Variants in PARD3 observed in about 807,000 individuals in gnomAD.
The protein encoded by PARD3 is par-3 family cell polarity regulator.
In PARD3, 75 loss-of-function variants were observed where a neutral mutation model predicts 155.4. The ratio of observed to expected loss-of-function variants is 0.48; its 90% confidence interval spans 0.40 to 0.58. PARD3 has a LOEUF of 0.58. PARD3 is among the 20% of genes least tolerant of loss of function. The probability of loss-of-function intolerance (pLI) is 0.00; values close to 1 mark genes in which losing one functional copy is unlikely to be tolerated. For synonymous variants in PARD3, 576 were observed against 610.5 expected (o/e 0.94, Z 0.83); for missense variants, 1,642 against 1,721.7 (o/e 0.95, Z 0.82).
intron 7 of PARD3, among the ~76,000 whole-genome samples, chr10:34,384,810 A>G (rs1476062852): frequency 1.3e-5 from 2 of 152,200 alleles, no homozygotes; most frequent in Admixed American, 1.3e-4. Context: ...GTGAATTTCA[A>G]AACCTGTCAG....
At chr10:34,794,107 G>T (rs183925088) in intron 1 of PARD3, among the ~76,000 whole-genome samples, 2 of 152,140 alleles carry the variant, frequency 1.3e-5, no homozygotes, top group African/African-American at 2.4e-5. Context: ...CACAGTCAGC[G>T]GGGGGTGGGG....
intron 2 of PARD3, among the ~76,000 whole-genome samples, chr10:34,565,707 TG>T (rs2085886567): frequency 1.3e-5 from 2 of 152,164 alleles, no homozygotes. Flanking sequence ...TTTATCTTTA[TG>T]GCATTCACTT....
chr10:34,692,488 A>T (rs2094084113), intron 2 of PARD3, among the ~76,000 whole-genome samples: 1 of 152,234 alleles, frequency 6.6e-6, no homozygotes, highest in African/African-American at 2.4e-5. Context: ...ATGGGAGAAA[A>T]TATTTGCAAA....
At chr10:34,806,826 AAAC>A (rs2134387664) in intron 1 of PARD3, among the ~76,000 whole-genome samples, 1 of 152,314 alleles carries the variant, frequency 6.6e-6, no homozygotes, top group Non-Finnish European at 1.5e-5. Context: ...ATGAGCACCA[AAAC>A]AAACCATGCA....
At chr10:34,716,807 G>C (rs2094528747) in intron 1 of PARD3, among the ~76,000 whole-genome samples, 1 of 151,892 alleles carries the variant, frequency 6.6e-6, no homozygotes. Context: ...GGTCAGGTTG[G>C]TCTCGCACTG....
intron 1 of PARD3, among the ~76,000 whole-genome samples, chr10:34,742,713 A>G (rs775839198): frequency 4.6e-5 from 7 of 152,254 alleles, no homozygotes; most frequent in Middle Eastern, 3.2e-3. Context: ...ACTAGGGAGT[A>G]AAACGTCAAA....
intron 2 of PARD3, among the ~76,000 whole-genome samples, chr10:34,657,921 C>T (rs1010086526): frequency 4.0e-5 from 6 of 151,824 alleles, no homozygotes; most frequent in South Asian, 2.1e-4. Flanking sequence ...CCGAGGTGGG[C>T]GGATCACGAG....
chr10:34,713,666 T>A (rs1223550230), intron 1 of PARD3, among the ~76,000 whole-genome samples: 2 of 152,086 alleles, frequency 1.3e-5, no homozygotes, highest in African/African-American at 4.8e-5. Context: ...CTCAGGAGGC[T>A]GAGGTAGGAG....
chr10:34,380,816 G>A (rs1195061710), intron 9 of PARD3, among the ~76,000 whole-genome samples: 1 of 152,070 alleles, frequency 6.6e-6, no homozygotes, highest in Non-Finnish European at 1.5e-5. Context: ...TTATGACAAT[G>A]GTGAAGCAAA....
chr10:34,327,743 G>C (rs562679409), intron 19 of PARD3, among the ~76,000 whole-genome samples: 1 of 152,156 alleles, frequency 6.6e-6, no homozygotes, highest in Non-Finnish European at 1.5e-5. Flanking sequence ...AAGACCATCT[G>C]CCTAGACGAG....
rs775445941 is a variant in PARD3 at position 34,413,180 on chromosome 10, C to CACACACACACACACACACACAT, written c.715-11264_715-11263insATGTGTGTGTGTGTGTGTGTGT. On this transcript the variant is annotated intron_variant, in intron 5 of 24. Coordinates refer to ENST00000374788, the MANE Select transcript of PARD3 (RefSeq NM_001184785.2). ...ACACACACACACACACACACACACA[C>CACACACACACACACACACACAT]ATATATATAAGACTTTGTAACTGAT... is the stretch of plus-strand genomic sequence containing the variant. 1.4e-3 allele frequency among the ~76,000 whole-genome samples: 210 copies of CACACACACACACACACACACAT among 145,128 alleles called. 2 individuals are homozygous for CACACACACACACACACACACAT. The highest frequency in any genetic ancestry group is 5.0e-3 in the African/African-American group (198 of 39,524).
intron 2 of PARD3, among the ~76,000 whole-genome samples, chr10:34,682,126 A>T (rs1240742048): frequency 1.3e-5 from 2 of 152,146 alleles, no homozygotes; most frequent in Non-Finnish European, 2.9e-5. Context: ...CCCTGTTGAC[A>T]CTACCCACAA....
intron 3 of PARD3, among the ~76,000 whole-genome samples, chr10:34,509,108 A>G (rs955201206): frequency 2.1e-4 from 32 of 152,222 alleles, no homozygotes; most frequent in Non-Finnish European, 5.9e-5. Context: ...TGTTGAAAGC[A>G]TAAGTAGAAT....
intron 21 of PARD3, among the ~76,000 whole-genome samples, chr10:34,275,284 A>G (rs879476314): frequency 2.6e-5 from 4 of 152,198 alleles, no homozygotes; most frequent in African/African-American, 9.6e-5. Flanking sequence ...CTGCTTTCCA[A>G]TGTGGCAGCT....
chr10:34,211,749 C>T (rs1951765330), intron 22 of PARD3, among the ~76,000 whole-genome samples: 1 of 151,758 alleles, frequency 6.6e-6, no homozygotes, highest in Non-Finnish European at 1.5e-5. Context: ...CACTGCACTC[C>T]AGCCTGGGTG....
chr10:34,811,073 T>A (rs1315698833), intron 1 of PARD3, among the ~76,000 whole-genome samples: 1 of 152,160 alleles, frequency 6.6e-6, no homozygotes. Context: ...TTGCCCTCAC[T>A]TTTGCCCTTC....
At chr10:34,239,301 G>A (rs906056593) in intron 22 of PARD3, among the ~76,000 whole-genome samples, 1 of 152,178 alleles carries the variant, frequency 6.6e-6, no homozygotes, top group Admixed American at 6.5e-5. Context: ...CACGGTGGCC[G>A]ATGGAAGGGT....
chr10:34,604,649 T>G (rs1371161715), intron 2 of PARD3, among the ~76,000 whole-genome samples: 4 of 148,688 alleles, frequency 2.7e-5, no homozygotes, highest in Admixed American at 1.3e-4. Flanking sequence ...ATAAAATATA[T>G]AGAGATCCTA....
At chr10:34,675,359 A>G (rs933762645) in intron 2 of PARD3, among the ~76,000 whole-genome samples, 3 of 152,214 alleles carry the variant, frequency 2.0e-5, no homozygotes, top group African/African-American at 7.2e-5. Flanking sequence ...ATATATAGAT[A>G]ATAATAACCT....
Sources: gnomAD v4.1 joint callset for allele counts (sites outside exome capture counted in the v4.1 genomes callset) on GRCh38, gnomAD v4.1.1 for gene constraint, MANE v1.5 for transcripts, NCBI Gene and HGNC (gene_info 2026-07-23, HGNC 2026-07-21) for gene names.